ARK2C: variants seen among roughly 807,000 people sequenced by gnomAD.
ARK2C encodes the protein E3 ubiquitin-protein ligase ARK2C.
the ARK2C span, among the ~76,000 whole-genome samples, chr18:46,372,766 T>A: frequency 6.6e-6 from 1 of 152,244 alleles, no homozygotes; most frequent in Non-Finnish European, 1.5e-5. Flanking sequence ...CCATACTTGT[T>A]AAACCCTGTG....
the ARK2C span, among the ~76,000 whole-genome samples, chr18:46,341,389 G>A: frequency 6.6e-6 from 1 of 152,112 alleles, no homozygotes; most frequent in Non-Finnish European, 1.5e-5. Flanking sequence ...CTGTAAGGTG[G>A]AGTAAGCAGG....
the ARK2C span, among the ~76,000 whole-genome samples, chr18:46,413,103 G>T: frequency 2.0e-5 from 3 of 152,140 alleles, no homozygotes; most frequent in Non-Finnish European, 2.9e-5. Context: ...TGTTGCTTTG[G>T]GTGACAGATC....
the ARK2C span, among the ~76,000 whole-genome samples, chr18:46,351,402 GA>G: frequency 1.3e-5 from 2 of 152,146 alleles, no homozygotes; most frequent in East Asian, 3.9e-4. Context: ...TATCTGAGCA[GA>G]AAAAGACAAG....
the ARK2C span, among the ~76,000 whole-genome samples, chr18:46,440,697 C>G: frequency 1.3e-5 from 2 of 148,430 alleles, no homozygotes; most frequent in Admixed American, 6.7e-5. Flanking sequence ...ATTAAAATTT[C>G]TGTTATACTT....
At chr18:46,364,867 C>T in the ARK2C span, among the ~76,000 whole-genome samples, 5 of 152,132 alleles carry the variant, frequency 3.3e-5, no homozygotes, top group African/African-American at 4.8e-5. Flanking sequence ...CCTCAGCAGG[C>T]GGCTGACTCT....
chr18:46,364,811 C>T, the ARK2C span, among the ~76,000 whole-genome samples: 2 of 152,152 alleles, frequency 1.3e-5, no homozygotes, highest in African/African-American at 2.4e-5. Context: ...GAGTCAGGTC[C>T]ACTGGATATC....
the ARK2C span, among the ~76,000 whole-genome samples, chr18:46,435,731 C>T: frequency 1.8e-4 from 28 of 152,114 alleles, no homozygotes; most frequent in Non-Finnish European, 3.8e-4. Flanking sequence ...GGGGGGAGAG[C>T]AGAAAGGAGA....
the ARK2C span, among the ~76,000 whole-genome samples, chr18:46,355,878 T>C: frequency 6.6e-6 from 1 of 152,194 alleles, no homozygotes; most frequent in East Asian, 1.9e-4. Flanking sequence ...ATGTTGGGTA[T>C]GTGACTGCCG....
chr18:46,432,797 T>C, the ARK2C span, among the ~76,000 whole-genome samples: 3 of 151,580 alleles, frequency 2.0e-5, no homozygotes, highest in East Asian at 3.9e-4. Flanking sequence ...TACAAAAAAT[T>C]AGCCGGGCGC....
the ARK2C span, among the ~76,000 whole-genome samples, chr18:46,369,241 T>C: frequency 2.0e-5 from 3 of 152,188 alleles, no homozygotes; most frequent in East Asian, 1.9e-4. Context: ...CAGGAGCCAA[T>C]TGAAGGGTGG....
At chr18:46,459,039 T>A in the ARK2C span, 2 of 152,370 alleles carry the variant, frequency 1.3e-5, no homozygotes, top group South Asian at 2.1e-4. Context: ...TTCTCTCCAA[T>A]GGCTGGGTGA....
the ARK2C span, among the ~76,000 whole-genome samples, chr18:46,418,946 C>A: frequency 6.6e-6 from 1 of 152,166 alleles, no homozygotes; most frequent in Non-Finnish European, 1.5e-5. Context: ...AATGTGTTGC[C>A]CTCTTTTGGG....
chr18:46,385,845 GC>G, the ARK2C span: 5 of 152,228 alleles, frequency 3.3e-5, no homozygotes, highest in African/African-American at 1.2e-4. Flanking sequence ...TTTCAGCTGA[GC>G]CTGGTGAGGT....
chr18:46,450,674 G>A, the ARK2C span: 10 of 1,556,710 alleles, frequency 6.4e-6, no homozygotes, highest in African/African-American at 4.1e-5. Context: ...TACATGCTGA[G>A]CACACATGTG....
At chr18:46,366,604 A>G in the ARK2C span, among the ~76,000 whole-genome samples, 1 of 152,190 alleles carries the variant, frequency 6.6e-6, no homozygotes, top group African/African-American at 2.4e-5. Flanking sequence ...TTCACAGCCC[A>G]GTGGTCCTTA....
chr18:46,354,823 T>A, the ARK2C span, among the ~76,000 whole-genome samples: 1 of 152,230 alleles, frequency 6.6e-6, no homozygotes, highest in Admixed American at 6.5e-5. Flanking sequence ...GTGTGCTCCA[T>A]ACACAAAGCT....
chr18:46,398,529 T>A, the ARK2C span, among the ~76,000 whole-genome samples: 1 of 151,668 alleles, frequency 6.6e-6, no homozygotes, highest in Non-Finnish European at 1.5e-5. Context: ...CAGTGTCCGG[T>A]GAGATATCAG....
At chr18:46,398,020 T>TGG in the ARK2C span, among the ~76,000 whole-genome samples, 1 of 121,048 alleles carries the variant, frequency 8.3e-6, no homozygotes, top group African/African-American at 3.3e-5. Flanking sequence ...TATGTGTGTG[T>TGG]GGTCATGTGG....
At chr18:46,334,708 GTGTGTGTGA>G in the ARK2C span, 3 of 133,512 alleles carry the variant, frequency 2.2e-5, no homozygotes, top group South Asian at 1.0e-3. This position sits in a 1 kb window ranked among gnomAD's most constrained non-coding sequence, Gnocchi z 4.4. Context: ...GTGTGTGTGT[GTGTGTGTGA>G]GAGAGAGAGA....
Sources: allele counts gnomAD v4.1 joint callset (sites outside exome capture counted in the v4.1 genomes callset), GRCh38; gene constraint gnomAD v4.1.1; non-coding constraint Gnocchi (gnomAD v3.1); transcripts MANE v1.5; gene names NCBI Gene and HGNC (gene_info 2026-07-23, HGNC 2026-07-21).